Variants in NLGN1 observed in about 807,000 individuals in gnomAD.
NLGN1 encodes the protein neuroligin-1.
A neutral mutation model predicts 65.5 loss-of-function variants in NLGN1; 12 were observed. That is an observed-to-expected ratio of 0.18 (90% CI 0.12 to 0.30). The LOEUF is 0.30. Among genes scored for constraint, NLGN1 ranks in the 10% least tolerant of loss-of-function variants. The pLI is 1.00. For synonymous variants in NLGN1, 350 were observed against 359.5 expected (o/e 0.97, Z 0.30); for missense variants, 750 against 1,007.1 (o/e 0.74, Z 3.46).
intron 4 of NLGN1, among the ~76,000 whole-genome samples, chr3:174,154,975 ATATAT>A (rs1480879657): frequency 0.022 from 3,003 of 138,108 alleles, 79 homozygotes; most frequent in Non-Finnish European, 0.031. Flanking sequence ...ATTATATATA[ATATAT>A]TATATTATAT....
At chr3:173,488,281 T>A (rs1728486940) in intron 2 of NLGN1, among the ~76,000 whole-genome samples, 1 of 152,078 alleles carries the variant, frequency 6.6e-6, no homozygotes, top group Non-Finnish European at 1.5e-5. Flanking sequence ...TAGTTCCAAT[T>A]TGTGTTTAAA....
chr3:173,772,751 GTCT>G (rs748129634), intron 3 of NLGN1, among the ~76,000 whole-genome samples: 5 of 152,118 alleles, frequency 3.3e-5, no homozygotes, highest in African/African-American at 4.8e-5. Flanking sequence ...GGATGTGGTG[GTCT>G]TCTTCTCTTC....
chr3:173,663,934 G>T (rs571700846), intron 3 of NLGN1, among the ~76,000 whole-genome samples: 2 of 151,200 alleles, frequency 1.3e-5, no homozygotes, highest in East Asian at 3.9e-4. Context: ...TACATTGTTT[G>T]AAAGAACTAC....
intron 2 of NLGN1, among the ~76,000 whole-genome samples, chr3:173,597,280 T>G (rs748392696): frequency 2.0e-5 from 3 of 152,202 alleles, no homozygotes; most frequent in Non-Finnish European, 4.4e-5. Flanking sequence ...ATTGTGGCCT[T>G]CAGAGAGTTA....
intron 4 of NLGN1, among the ~76,000 whole-genome samples, chr3:174,034,214 C>T (rs1226246903): frequency 6.6e-6 from 1 of 151,962 alleles, no homozygotes; most frequent in South Asian, 2.1e-4. Flanking sequence ...ATATACCTAG[C>T]AAAATTATTC....
chr3:174,091,011 A>G (rs1467500976), intron 4 of NLGN1, among the ~76,000 whole-genome samples: 1 of 152,202 alleles, frequency 6.6e-6, no homozygotes, highest in Non-Finnish European at 1.5e-5. Flanking sequence ...TTGCTAGACC[A>G]TCAGTTCTTG....
rs370192382 is a variant in NLGN1 at position 173,692,028 on chromosome 3, G to T, written c.493+86937G>T. ...TACACGTGGTATCTTGAATGTTGTG[G>T]ATTTAATAGGTCAGAAAATAATAGA... is the stretch of plus-strand genomic sequence containing the variant. On this transcript the variant is annotated intron_variant, in intron 3 of 6. Coordinates refer to ENST00000457714, the Ensembl canonical transcript of NLGN1. Among the ~76,000 whole-genome samples, 13 of 152,086 alleles carry T rather than the reference G, an allele frequency of 8.5e-5. No individual in the cohort carries two copies. The East Asian group carries it at 2.3e-3, about 27-fold the overall frequency.
At chr3:173,452,077 G>C (rs539736484) in intron 2 of NLGN1, among the ~76,000 whole-genome samples, 46 of 152,314 alleles carry the variant, frequency 3.0e-4, no homozygotes, top group African/African-American at 4.8e-4. Context: ...TGCACCCACT[G>C]TCTGGCTCTC....
In NLGN1 at chr3:173,910,246, G is replaced by A. The variant is rs1350680817; in HGVS notation, c.646+102414G>A. ...GATTCTGCTTCATCAGAACTGGGATGGGGCTTCAGATTCTGCAATTATAAC... is the reference window on the plus strand; with the variant it reads ...GATTCTGCTTCATCAGAACTGGGATAGGGCTTCAGATTCTGCAATTATAAC... On this transcript the variant is annotated intron_variant, in intron 4 of 6. Transcript: ENST00000457714. Among the ~76,000 whole-genome samples, 4 of 152,146 alleles carry A rather than the reference G, an allele frequency of 2.6e-5. No individual in the cohort carries two copies. The East Asian group carries it at 7.7e-4, about 29-fold the overall frequency.
rs567661587 is a variant in NLGN1 at position 174,152,952 on chromosome 3, A to T, written c.647-122363A>T. On this transcript the variant is annotated intron_variant, in intron 4 of 6. Coordinates refer to ENST00000457714, the Ensembl canonical transcript of NLGN1. ...AAAAGTCTTTACTATCTTTTCATGC[A>T]CTTAGAATAAAATGTACATTCCTTG... Among the ~76,000 whole-genome samples, 93 of 152,206 alleles carry T rather than the reference A, an allele frequency of 6.1e-4. 1 individual carries two copies. Among genetic ancestry groups the T allele is most frequent in the African/African-American group, 2.0e-3 (85 of 41,558 alleles).
intron 3 of NLGN1, among the ~76,000 whole-genome samples, chr3:173,794,755 A>T (rs9835937): frequency 0.86 from 130,328 of 152,180 alleles, 56,708 homozygotes; most frequent in African/African-American, 0.93. Flanking sequence ...TAGTCTATTT[A>T]ATTTACTTTT....
Position 173,818,895 on chromosome 3 carries a change from C to CTTTTTTTTT in NLGN1, c.646+11071_646+11079dup, listed in dbSNP as rs200212547. ...AATTTTGTTCTGCCTTTGAATAGTT[C>CTTTTTTTTT]TTTTTTTTTTTTTTTTCCAGTAAGG... is the stretch of plus-strand genomic sequence containing the variant. On this transcript the variant is annotated intron_variant, in intron 4 of 6. Transcript: ENST00000457714. 2.1e-3 allele frequency among the ~76,000 whole-genome samples: 196 copies of CTTTTTTTTT among 92,382 alleles called. 27 individuals are homozygous for CTTTTTTTTT. The highest frequency in any genetic ancestry group is 8.2e-3 in the African/African-American group (174 of 21,218). 60.6% of individuals were successfully genotyped at this position (92,382 alleles called of 152,430 possible).
At chr3:173,720,336 TAA>T (rs1770625482) in intron 3 of NLGN1, among the ~76,000 whole-genome samples, 1 of 152,156 alleles carries the variant, frequency 6.6e-6, no homozygotes, top group South Asian at 2.1e-4. Context: ...TGTTTAAAAA[TAA>T]GTTTCATTTT....
chr3:173,576,420 A>G (rs1249871165), intron 2 of NLGN1, among the ~76,000 whole-genome samples: 1 of 152,220 alleles, frequency 6.6e-6, no homozygotes, highest in Non-Finnish European at 1.5e-5. Context: ...GAAACCTAAA[A>G]TGATTGGCAA....
chr3:173,998,135 A>G (rs62292104), intron 4 of NLGN1, among the ~76,000 whole-genome samples: 426 of 152,220 alleles, frequency 2.8e-3, no homozygotes, highest in Non-Finnish European at 4.4e-3. Context: ...CCCAACAAGG[A>G]TACATAGCTC....
chr3:173,723,225 G>A (rs1771154644), intron 3 of NLGN1, among the ~76,000 whole-genome samples: 1 of 152,190 alleles, frequency 6.6e-6, no homozygotes. Context: ...TATGGGCCCT[G>A]TGGAACATTA....
chr3:173,501,702 G>T (rs549419577), intron 2 of NLGN1, among the ~76,000 whole-genome samples: 2 of 150,654 alleles, frequency 1.3e-5, no homozygotes, highest in East Asian at 3.9e-4. Flanking sequence ...AATTCTCTAC[G>T]TATAGAATTT....
At chr3:174,010,430 T>C (rs1725295637) in intron 4 of NLGN1, among the ~76,000 whole-genome samples, 1 of 152,176 alleles carries the variant, frequency 6.6e-6, no homozygotes, top group East Asian at 1.9e-4. Flanking sequence ...TGTTTGATTT[T>C]CAAGATATAC....
chr3:173,682,950 A>G (rs1875589), intron 3 of NLGN1, among the ~76,000 whole-genome samples: 6,570 of 152,338 alleles, frequency 0.043, 181 homozygotes, highest in African/African-American at 0.06. Context: ...TTACTCCAGC[A>G]TGAGAGACTA....
Sources: gnomAD v4.1 joint callset for allele counts (sites outside exome capture counted in the v4.1 genomes callset) on GRCh38, gnomAD v4.1.1 for gene constraint, MANE v1.5 for transcripts, NCBI Gene and HGNC (gene_info 2026-07-23, HGNC 2026-07-21) for gene names.